MOCS2: variants seen among roughly 807,000 people sequenced by gnomAD.
MOCS2 encodes the protein molybdenum cofactor synthesis 2.
MOCS2 carries 13 observed loss-of-function variants against 21.9 expected under a neutral mutation model. The observed-to-expected ratio is 0.59, with a 90% CI of 0.39 to 0.94. The LOEUF (loss-of-function observed/expected upper bound fraction) is 0.94. Ranked by LOEUF, MOCS2 falls within the 40% of genes least tolerant of loss-of-function variation. The probability of loss-of-function intolerance (pLI) is 0.00; values close to 1 mark genes in which losing one functional copy is unlikely to be tolerated. For missense variants in MOCS2, 227 were observed against 218.3 expected, an observed-to-expected ratio of 1.04 and a Z score of -0.25; for synonymous variants, 92 against 80.8, an observed-to-expected ratio of 1.14 and a Z score of -0.74.
intron 6 of MOCS2, among the ~76,000 whole-genome samples, chr5:53,099,695 C>T (rs3756532): frequency 0.43 from 64,633 of 152,056 alleles, 13,997 homozygotes; most frequent in Middle Eastern, 0.53. Flanking sequence ...TTTAAAAGCC[C>T]TGGCTCTCTG....
rs1174281080 is a variant in MOCS2 at position 53,096,527 on chromosome 5, A to G, written c.*2075T>C. The G allele has an allele frequency of 6.6e-6, 1 of 152,216 alleles. No individual in the cohort carries two copies. Among genetic ancestry groups the G allele is most frequent in the Non-Finnish European group, 1.5e-5 (1 of 68,036 alleles). 9.4% of individuals were successfully genotyped at this position (152,216 alleles called of 1,614,324 possible). On this transcript the variant is annotated 3_prime_UTR_variant, in exon 7 of 7. Transcript: ENST00000396954. ...TTAGATTACTCTTCTAGTTACTTGA[A>G]GCTAAGTTACAGAGATGATAGAAAA... is the stretch of plus-strand genomic sequence containing the variant.
Position 53,102,189 on chromosome 5 carries a change from T to C in MOCS2, c.134A>G (p.Asp45Gly). The C allele has an allele frequency of 6.2e-7, 1 of 1,612,026 alleles. No individual in the cohort carries two copies. The highest frequency in any genetic ancestry group is 1.7e-5 in the Admixed American group (1 of 59,956). Reference sequence around the variant, plus strand: ...TTTCTCGGCAGTAAAGTTTATAACATCTTTAGATTTCTCTTCAACTTCATC... The same window carrying C: ...TTTCTCGGCAGTAAAGTTTATAACACCTTTAGATTTCTCTTCAACTTCATC... Reference protein sequence around the residue: ...DMDEVEEKSKDVINFTAEKLS... With the variant: ...DMDEVEEKSKGVINFTAEKLS... Residue 45 changes from aspartate (D) to glycine (G), a missense_variant, in exon 4 of 7, where the codon GAT (aspartate) becomes GGT (glycine). Asp to Gly is a moderately conservative substitution (Grantham distance 94). Transcript: ENST00000396954.
In MOCS2 at chr5:53,098,213, AGAACCGGGATGGGGGGCGGT is replaced by A. The variant is rs564220196; in HGVS notation, c.*369_*388del. Reference sequence around the variant, plus strand: ...GCATCCTTAATAACAATGCTCTCCCAGAACCGGGATGGGGGGCGGTGAGGTGGGGTTGGTGGGGGAGTACG... The same window carrying A: ...GCATCCTTAATAACAATGCTCTCCCAGAGGTGGGGTTGGTGGGGGAGTACG... On this transcript the variant is annotated 3_prime_UTR_variant, in exon 7 of 7. Coordinates refer to ENST00000396954, the MANE Select transcript of MOCS2 (RefSeq NM_004531.5). 1.2e-3 allele frequency: 254 copies of A among 214,026 alleles called. 3 individuals are homozygous for A. The South Asian group carries it at 0.017, about 14-fold the overall frequency. 13.3% of individuals were successfully genotyped at this position (214,026 alleles called of 1,614,324 possible).
At chr5:53,105,393 ACAGAACC>A (rs1231124858) in intron 3 of MOCS2, among the ~76,000 whole-genome samples, 2 of 152,112 alleles carry the variant, frequency 1.3e-5, no homozygotes, top group Non-Finnish European at 2.9e-5. Flanking sequence ...GACAAATGAA[ACAGAACC>A]CAGAACCCAG....
intron 5 of MOCS2, chr5:53,100,937 C>G (rs1740891634): frequency 1.7e-5 from 5 of 295,240 alleles, no homozygotes; most frequent in Non-Finnish European, 6.4e-6. Flanking sequence ...ATTAATAAAA[C>G]TACTGGTTAT....
At chr5:53,101,619 A>G in intron 4 of MOCS2, 110 bp from the exon 5 acceptor site, 3 of 820,778 alleles carry the variant, frequency 3.7e-6, no homozygotes, top group Non-Finnish European at 5.7e-6. Context: ...AATTAATAGT[A>G]AACAAGCAGC....
chr5:53,109,647 G>A lies in MOCS2; in HGVS notation c.-566C>T, dbSNP rs533971389. 2.2e-5 allele frequency: 34 copies of A among 1,547,784 alleles called. No individual in the cohort carries two copies. The highest frequency in any genetic ancestry group is 3.6e-5 in the South Asian group (3 of 83,830). ...CCAAGGCTGGGTATGTGGAGGGAAA[G>A]GGCGGGAGAGACACGTCGAGGAGGG... On this transcript the variant is annotated 5_prime_UTR_variant, in exon 1 of 7. Transcript: ENST00000396954.
At chr5:53,104,973 C>A (rs1477981621) in intron 3 of MOCS2, among the ~76,000 whole-genome samples, 1 of 152,176 alleles carries the variant, frequency 6.6e-6, no homozygotes. Flanking sequence ...GATCTCTCCA[C>A]ACTATACTGA....
rs2112093152 is a variant in MOCS2 at position 53,108,660 on chromosome 5, T to C, written c.-169-17A>G. 1 of 1,610,966 alleles carries C rather than the reference T, an allele frequency of 6.2e-7. No individual in the cohort carries two copies. The highest frequency in any genetic ancestry group is 8.5e-7 in the Non-Finnish European group (1 of 1,178,910). ...TACTTCAACCTGAAAGTAAAGAAAA[T>C]GCTTTTAATAACAACTCATACTCGT... On this transcript the variant is annotated splice_polypyrimidine_tract_variant and intron_variant, in intron 1 of 6. Coordinates refer to ENST00000396954, the MANE Select transcript of MOCS2 (RefSeq NM_004531.5).
chr5:53,103,531 T>C (rs1036828654), intron 3 of MOCS2, among the ~76,000 whole-genome samples: 2 of 152,180 alleles, frequency 1.3e-5, no homozygotes, highest in Non-Finnish European at 2.9e-5. Context: ...ACTTACTTAC[T>C]AGGTATTGTG....
At chr5:53,105,881 G>GA (rs1245506738) in intron 3 of MOCS2, among the ~76,000 whole-genome samples, 1 of 151,946 alleles carries the variant, frequency 6.6e-6, no homozygotes, top group Admixed American at 6.6e-5. Flanking sequence ...AAATTTATGA[G>GA]AAAAAACAAC....
At chr5:53,106,113 A>AG (rs143390062) in intron 3 of MOCS2, among the ~76,000 whole-genome samples, 8 of 152,100 alleles carry the variant, frequency 5.3e-5, no homozygotes, top group Non-Finnish European at 8.8e-5. Flanking sequence ...ACACTGCTGC[A>AG]GGGAGTGTAA....
chr5:53,097,336 G>A lies in MOCS2; in HGVS notation c.*1266C>T, dbSNP rs1050225918. On this transcript the variant is annotated 3_prime_UTR_variant, in exon 7 of 7. Coordinates refer to ENST00000396954, the MANE Select transcript of MOCS2 (RefSeq NM_004531.5). ...GTTGGCAGAAAAAGATCACTGGGTG[G>A]GTGCCTGGCACAAAACAGGCATTCA... 1.3e-5 allele frequency: 2 copies of A among 152,238 alleles called. No individual in the cohort carries two copies. The highest frequency in any genetic ancestry group is 1.9e-4 in the East Asian group (1 of 5,184). 9.4% of individuals were successfully genotyped at this position (152,238 alleles called of 1,614,324 possible).
At position 53,098,603 on chromosome 5, in the gene MOCS2, T is replaced by C. The variant is rs1300525260; in HGVS notation, c.566A>G (p.Ter189=). Residue 189 remains the stop codon, a stop_retained_variant, in exon 7 of 7, where the codon TAA becomes TGA. Transcript: ENST00000396954. The stretch of plus-strand genomic sequence containing the variant: ...TGCATGCTCTAAAAACATAAGTGAT[T>C]AACTGTTGGATGCCCAAAAGCACTC... The part of the protein sequence containing the change: ...NKECFWASNS[*] 7.4e-6 allele frequency: 12 copies of C among 1,612,944 alleles called. No individual in the cohort carries two copies. Among genetic ancestry groups the C allele is most frequent in the Non-Finnish European group, 1.0e-5 (12 of 1,179,002 alleles).
Position 53,098,832 on chromosome 5 carries a change from C to G in MOCS2, c.502-165G>C, listed in dbSNP as rs971912191. 26 of 632,644 alleles carry G rather than the reference C, an allele frequency of 4.1e-5. No individual in the cohort carries two copies. In the African/African-American group the frequency reaches 4.6e-4, roughly 11 times the overall value. 39.2% of individuals were successfully genotyped at this position (632,644 alleles called of 1,614,324 possible). A position where few individuals can be genotyped will look rare whatever the true frequency, so the allele number is the denominator to read the frequency against. ...ATGGGCAAGGTTACATAGGGGAAGA[C>G]AGAAAGTCTTTAGTTTTAAACATTT... is the stretch of plus-strand genomic sequence containing the variant. On this transcript the variant is annotated intron_variant, in intron 6 of 6. Transcript: ENST00000396954.
chr5:53,109,396 C>T lies in MOCS2; in HGVS notation c.-315G>A. On this transcript the variant is annotated 5_prime_UTR_variant, in exon 1 of 7. The change abolishes the stop of an existing upstream ORF in the 5' untranslated region. Coordinates refer to ENST00000396954, the MANE Select transcript of MOCS2 (RefSeq NM_004531.5). ...TTTTAGATTAAAATTTTAGCTTCATCAAAACGAATAATCTGGGAAAGAGGT... is the reference window on the plus strand; with the variant it reads ...TTTTAGATTAAAATTTTAGCTTCATTAAAACGAATAATCTGGGAAAGAGGT... 2 of 1,213,266 alleles carry T rather than the reference C, an allele frequency of 1.6e-6. No individual in the cohort carries two copies. Among genetic ancestry groups the T allele is most frequent in the Non-Finnish European group, 2.1e-6 (2 of 975,372 alleles). 75.2% of individuals were successfully genotyped at this position (1,213,266 alleles called of 1,614,324 possible). A position where few individuals can be genotyped will look rare whatever the true frequency, so the allele number is the denominator to read the frequency against.
chr5:53,099,910 T>C (rs1468999930), intron 6 of MOCS2, among the ~76,000 whole-genome samples: 1 of 152,202 alleles, frequency 6.6e-6, no homozygotes, highest in Non-Finnish European at 1.5e-5. Context: ...GAGAATTACT[T>C]GCCCTTATTG....
intron 6 of MOCS2, among the ~76,000 whole-genome samples, chr5:53,099,299 T>G (rs553283368): frequency 6.6e-6 from 1 of 152,272 alleles, no homozygotes; most frequent in East Asian, 1.9e-4. Context: ...ATGCCCCAAC[T>G]CCTGCTCATT....
chr5:53,109,547 C>G lies in MOCS2; in HGVS notation c.-466G>C, dbSNP rs1561178788. On this transcript the variant is annotated 5_prime_UTR_variant, in exon 1 of 7. Transcript: ENST00000396954. ...AGTAAAGCCCGGAGACAGGAAGGGC[C>G]CGGGGGCGGGGGCGGGGGCGCCCCC... 8 of 1,342,680 alleles carry G rather than the reference C, an allele frequency of 6.0e-6. No homozygotes were observed. The South Asian group carries it at 1.0e-4, about 17-fold the overall frequency. 83.2% of individuals were successfully genotyped at this position (1,342,680 alleles called of 1,614,324 possible).
Sources: gnomAD v4.1 joint callset for allele counts (sites outside exome capture counted in the v4.1 genomes callset) on GRCh38, gnomAD v4.1.1 for gene constraint, MANE v1.5 for transcripts, NCBI Gene and HGNC (gene_info 2026-07-23, HGNC 2026-07-21) for gene names.